Variants in ARHGAP10 observed in about 807,000 individuals in gnomAD.
The protein encoded by ARHGAP10 is Rho GTPase activating protein 10, also known as rho GTPase-activating protein 10.
In ARHGAP10, 87 loss-of-function variants were observed where a neutral mutation model predicts 108.6. The ratio of observed to expected loss-of-function variants is 0.80; its 90% CI spans 0.67 to 0.96. ARHGAP10 has a LOEUF of 0.96. Ranked by LOEUF, ARHGAP10 falls within the 40% of genes least tolerant of loss-of-function variation. ARHGAP10 has a pLI of 0.00. For missense variants in ARHGAP10, 939 were observed against 954.5 expected (o/e 0.98, Z 0.21); for synonymous variants, 347 against 341.1 (o/e 1.02, Z -0.19).
At chr4:148,049,786 C>CAT (rs1729042100) in intron 20 of ARHGAP10, among the ~76,000 whole-genome samples, 1 of 140,182 alleles carries the variant, frequency 7.1e-6, no homozygotes, top group Non-Finnish European at 1.5e-5. Context: ...CAAGCTAGAT[C>CAT]ATAAAATTGT....
chr4:147,835,514 C>T (rs955283769), intron 3 of ARHGAP10, among the ~76,000 whole-genome samples: 1 of 152,154 alleles, frequency 6.6e-6, no homozygotes, highest in Non-Finnish European at 1.5e-5. Context: ...GCTGGGGTTA[C>T]AGGCATGTGC....
intron 13 of ARHGAP10, among the ~76,000 whole-genome samples, chr4:147,936,139 C>T (rs1737923670): frequency 6.6e-6 from 1 of 152,058 alleles, no homozygotes; most frequent in South Asian, 2.1e-4. Flanking sequence ...AGTACTGAAA[C>T]CCTCTGGTAT....
intron 18 of ARHGAP10, among the ~76,000 whole-genome samples, chr4:147,968,208 G>A (rs748576708): frequency 1.3e-5 from 2 of 152,100 alleles, no homozygotes; most frequent in Non-Finnish European, 2.9e-5. Context: ...GGATGCTTTC[G>A]GAGTGCTGTT....
intron 22 of ARHGAP10, among the ~76,000 whole-genome samples, chr4:148,068,865 G>A (rs919152282): frequency 6.6e-5 from 10 of 152,194 alleles, no homozygotes; most frequent in Admixed American, 1.3e-4. Flanking sequence ...GAAGGGACCT[G>A]CCTCTCTTTG....
chr4:147,788,131 T>C (rs1350306729), intron 1 of ARHGAP10, among the ~76,000 whole-genome samples: 1 of 14,848 alleles, frequency 6.7e-5, no homozygotes, highest in African/African-American at 1.1e-4. Context: ...TTTTAAAAAA[T>C]TTGATTTTTT....
chr4:147,764,677 G>A (rs1324063784), intron 1 of ARHGAP10, among the ~76,000 whole-genome samples: 1 of 152,098 alleles, frequency 6.6e-6, no homozygotes, highest in Admixed American at 6.6e-5. Flanking sequence ...GGGGTTTATA[G>A]GCGTGCACCA....
At chr4:147,836,331 T>C (rs1733169378) in intron 3 of ARHGAP10, among the ~76,000 whole-genome samples, 1 of 152,208 alleles carries the variant, frequency 6.6e-6, no homozygotes, top group African/African-American at 2.4e-5. Flanking sequence ...GCCTTAATCC[T>C]CTTTAATAGG....
chr4:147,938,169 C>CG (rs966775715), intron 13 of ARHGAP10, among the ~76,000 whole-genome samples: 2 of 151,638 alleles, frequency 1.3e-5, no homozygotes, highest in African/African-American at 4.8e-5. Flanking sequence ...GATGAGAACT[C>CG]GTGGACACAT....
At chr4:148,065,996 A>AAAAAGT (rs397731212) in intron 22 of ARHGAP10, among the ~76,000 whole-genome samples, 1 of 150,248 alleles carries the variant, frequency 6.7e-6, no homozygotes. Context: ...AAAAAAAAAA[A>AAAAAGT]GGGTTGAGGG....
chr4:148,039,509 A>G (rs1437163781), intron 19 of ARHGAP10, among the ~76,000 whole-genome samples: 1 of 150,920 alleles, frequency 6.6e-6, no homozygotes, highest in East Asian at 2.0e-4. Context: ...TGTGTTGGCC[A>G]GGCTGATCTC....
chr4:147,754,135 T>C (rs1729275016), intron 1 of ARHGAP10, among the ~76,000 whole-genome samples: 1 of 152,216 alleles, frequency 6.6e-6, no homozygotes, highest in Admixed American at 6.5e-5. Context: ...TCAGTACCCA[T>C]CTGGCTCCTG....
chr4:147,863,858 C>T (rs761832529), intron 5 of ARHGAP10: 6 of 152,220 alleles, frequency 3.9e-5, no homozygotes, highest in Non-Finnish European at 7.3e-5. Context: ...TGCATTCCCA[C>T]TAATGATGCA....
intron 3 of ARHGAP10, among the ~76,000 whole-genome samples, chr4:147,840,901 A>G (rs755247147): frequency 2.6e-5 from 4 of 152,242 alleles, no homozygotes; most frequent in Non-Finnish European, 5.9e-5. Flanking sequence ...AAAATACAAG[A>G]TAAGCGTAAG....
chr4:147,907,780 A>G (rs2126911850), intron 11 of ARHGAP10, among the ~76,000 whole-genome samples: 1 of 152,282 alleles, frequency 6.6e-6, no homozygotes, highest in Admixed American at 6.5e-5. Context: ...CCAAAAACAA[A>G]GCATCCTTGG....
At chr4:147,917,349 C>G (rs1328113168) in intron 13 of ARHGAP10, 1 of 152,176 alleles carries the variant, frequency 6.6e-6, no homozygotes, top group African/African-American at 2.4e-5. Context: ...ATACGATAAA[C>G]AGACAACACA....
intron 3 of ARHGAP10, among the ~76,000 whole-genome samples, chr4:147,841,857 C>T (rs187053680): frequency 6.6e-6 from 1 of 152,162 alleles, no homozygotes; most frequent in East Asian, 1.9e-4. Flanking sequence ...GTGTTATTTG[C>T]CACAACTACT....
rs34169210 is a variant in ARHGAP10, at chr4:147,922,687, C to CA, written c.1228+9569dup. On this transcript the variant is annotated intron_variant, in intron 13 of 22. Coordinates refer to ENST00000336498, the MANE Select transcript of ARHGAP10 (RefSeq NM_024605.4). ...TGGGCGACAGAGCGAGACTCCGTCT[C>CA]AAAAAAAAAAAAAAAAAAAAATTTT... 5.6e-3 allele frequency among the ~76,000 whole-genome samples: 558 copies of CA among 99,148 alleles called. 7 individuals are homozygous for CA. Among genetic ancestry groups the CA allele is most frequent in the African/African-American group, 0.015 (383 of 25,972 alleles). 65.0% of individuals were successfully genotyped at this position (99,148 alleles called of 152,430 possible). A position where few individuals can be genotyped will look rare whatever the true frequency, so the allele number is the denominator to read the frequency against.
chr4:147,911,635 T>C (rs1352200515), intron 12 of ARHGAP10, among the ~76,000 whole-genome samples: 1 of 28,760 alleles, frequency 3.5e-5, no homozygotes, highest in African/African-American at 7.7e-5. Flanking sequence ...GTGCTGGGAT[T>C]ACAGGCGTGA....
chr4:147,865,199 A>G (rs1734505413), intron 6 of ARHGAP10: 1 of 354,492 alleles, frequency 2.8e-6, no homozygotes, highest in South Asian at 4.0e-5. Flanking sequence ...GATCTCAAGG[A>G]AGGCAACCAT....
Sources: gnomAD v4.1 joint callset for allele counts (sites outside exome capture counted in the v4.1 genomes callset) on GRCh38, gnomAD v4.1.1 for gene constraint, MANE v1.5 for transcripts, NCBI Gene and HGNC (gene_info 2026-07-23, HGNC 2026-07-21) for gene names.